CHODL: variants seen among roughly 807,000 people sequenced by gnomAD.
The protein encoded by CHODL is transmembrane protein MT75.
Under a neutral mutation model 34.5 loss-of-function variants are expected in CHODL, and 29 were observed. The ratio of observed to expected loss-of-function variants is 0.84; its 90% CI spans 0.63 to 1.15. The LOEUF (loss-of-function observed/expected upper bound fraction) is 1.15, where lower values mean the gene tolerates loss of function less well. Among genes scored for constraint, CHODL ranks in the 50% most tolerant of loss-of-function variants. The pLI is 0.00. For synonymous variants in CHODL, 125 were observed against 116.1 expected (o/e 1.08, Z -0.49); for missense variants, 332 against 332.5 (o/e 1.00, Z 0.01).
chr21:18,222,889 A>T (rs1296034461), intron 2 of CHODL, among the ~76,000 whole-genome samples: 2 of 152,234 alleles, frequency 1.3e-5, no homozygotes, highest in African/African-American at 4.8e-5. Flanking sequence ...AGTCAAGATA[A>T]AATTTCTAAG....
chr21:17,923,951 T>C (rs1342772525), intron 1 of CHODL, among the ~76,000 whole-genome samples: 6 of 152,206 alleles, frequency 3.9e-5, no homozygotes, highest in Admixed American at 3.9e-4. Flanking sequence ...AGTCAGGAAT[T>C]CTTTGGAGAG....
chr21:18,123,365 CTA>C (rs2065504025), intron 2 of CHODL, among the ~76,000 whole-genome samples: 1 of 152,188 alleles, frequency 6.6e-6, no homozygotes, highest in African/African-American at 2.4e-5. Flanking sequence ...ATTAAGGAGA[CTA>C]GGTGCAATTT....
intron 2 of CHODL, among the ~76,000 whole-genome samples, chr21:18,058,192 C>A (rs928580269): frequency 6.6e-6 from 1 of 151,836 alleles, no homozygotes; most frequent in African/African-American, 2.4e-5. Context: ...TAAAAAAAGA[C>A]AAAAAATAAC....
intron 2 of CHODL, among the ~76,000 whole-genome samples, chr21:18,190,716 T>C (rs570248721): frequency 9.6e-4 from 146 of 152,318 alleles, no homozygotes; most frequent in Non-Finnish European, 1.8e-3. Context: ...TGTCATCATA[T>C]CACGTAAGGC....
At chr21:18,209,247 C>T (rs1050671396) in intron 2 of CHODL, among the ~76,000 whole-genome samples, 18 of 152,180 alleles carry the variant, frequency 1.2e-4, no homozygotes, top group African/African-American at 4.3e-4. Flanking sequence ...ACAAAAAGTT[C>T]TTCCTGCTCA....
intron 2 of CHODL, among the ~76,000 whole-genome samples, chr21:18,138,153 T>C (rs2072755749): frequency 7.0e-6 from 1 of 142,056 alleles, no homozygotes; most frequent in South Asian, 2.2e-4. Flanking sequence ...TCCTGACTTA[T>C]CTTTTTTTTT....
chr21:18,255,514 G>GT (rs748813478), intron 1 of CHODL, among the ~76,000 whole-genome samples: 4 of 151,978 alleles, frequency 2.6e-5, no homozygotes, highest in African/African-American at 4.8e-5. Context: ...TACCTTAATT[G>GT]TTTTGAGCTA....
chr21:18,150,957 A>G (rs989997988), intron 2 of CHODL, among the ~76,000 whole-genome samples: 1 of 151,766 alleles, frequency 6.6e-6, no homozygotes, highest in Non-Finnish European at 1.5e-5. Flanking sequence ...GATGGCAGGC[A>G]CCTGTAATCC....
At chr21:18,106,422 A>G (rs563498927) in intron 2 of CHODL, among the ~76,000 whole-genome samples, 2 of 152,314 alleles carry the variant, frequency 1.3e-5, no homozygotes, top group South Asian at 2.1e-4. Flanking sequence ...TCACTGGCAC[A>G]GCATAAAGAG....
In CHODL at chr21:18,262,640, T is replaced by C. The variant is rs140949722; in HGVS notation, c.635-151T>C. The stretch of plus-strand genomic sequence containing the variant: ...ATGTGGTGCATGACTGTATATTATT[T>C]CATTAGATTTTTCAATATTTTGAGA... On this transcript the variant is annotated intron_variant, in intron 4 of 5. Transcript: ENST00000299295. The C allele has an allele frequency of 1.8e-3, 1,075 of 589,264 alleles. 9 individuals carry two copies. The highest frequency in any genetic ancestry group is 0.018 in the African/African-American group (954 of 53,816). The allele number at this position is 589,264 out of a possible 1,614,324, so 36.5% of individuals were successfully genotyped here. A position where few individuals can be genotyped will look rare whatever the true frequency, so the allele number is the denominator to read the frequency against.
At chr21:18,228,392 G>A (rs2146750816) in intron 2 of CHODL, among the ~76,000 whole-genome samples, 1 of 152,204 alleles carries the variant, frequency 6.6e-6, no homozygotes, top group South Asian at 2.1e-4. Context: ...GTGACAAAAT[G>A]GTGAATAAAT....
chr21:18,026,863 CT>C (rs941775953), intron 1 of CHODL, among the ~76,000 whole-genome samples: 4 of 151,918 alleles, frequency 2.6e-5, no homozygotes, highest in African/African-American at 9.7e-5. Context: ...ACAATCTTTA[CT>C]TTTTTTTGAC....
At chr21:18,210,028 CT>C (rs1391164139) in intron 2 of CHODL, among the ~76,000 whole-genome samples, 3 of 152,190 alleles carry the variant, frequency 2.0e-5, no homozygotes, top group African/African-American at 7.2e-5. Context: ...CCTAAGTCCA[CT>C]GGCTCTGAGC....
intron 2 of CHODL, among the ~76,000 whole-genome samples, chr21:18,152,641 C>T (rs1420910463): frequency 6.6e-6 from 1 of 152,232 alleles, no homozygotes; most frequent in African/African-American, 2.4e-5. Context: ...GCAGTTACTT[C>T]TTCAAAGCCA....
chr21:18,146,133 A>AT (rs2072884493), intron 2 of CHODL, among the ~76,000 whole-genome samples: 1 of 131,276 alleles, frequency 7.6e-6, no homozygotes, highest in East Asian at 2.0e-4. Context: ...ACGCCCGGTT[A>AT]ATTTTTTTTT....
chr21:18,106,977 G>T (rs1040706380), intron 2 of CHODL, among the ~76,000 whole-genome samples: 2 of 152,132 alleles, frequency 1.3e-5, no homozygotes, highest in African/African-American at 4.8e-5. Flanking sequence ...GACAGAATCT[G>T]TCCTTTTATT....
intron 1 of CHODL, among the ~76,000 whole-genome samples, chr21:17,980,951 T>G (rs1466222826): frequency 6.6e-6 from 1 of 152,190 alleles, no homozygotes; most frequent in Non-Finnish European, 1.5e-5. Flanking sequence ...TGTTAATACC[T>G]GTGTGACCTT....
chr21:18,010,524 C>T (rs933523405), intron 1 of CHODL, among the ~76,000 whole-genome samples: 2 of 152,090 alleles, frequency 1.3e-5, no homozygotes, highest in African/African-American at 4.8e-5. Flanking sequence ...TTGATCTTTT[C>T]ACAAAATCCC....
intron 1 of CHODL, among the ~76,000 whole-genome samples, chr21:18,026,992 C>G (rs1009620904): frequency 3.3e-5 from 5 of 152,048 alleles, no homozygotes; most frequent in African/African-American, 1.2e-4. Flanking sequence ...ATTTATCTGT[C>G]CAGGCTGGGC....
Sources: allele counts gnomAD v4.1 joint callset (sites outside exome capture counted in the v4.1 genomes callset), GRCh38; gene constraint gnomAD v4.1.1; transcripts MANE v1.5; gene names NCBI Gene and HGNC (gene_info 2026-07-23, HGNC 2026-07-21).